The following RSBN1L variants were observed in gnomAD, a reference collection of about 807,000 sequenced individuals.
RSBN1L encodes round spermatid basic protein 1 like, also known as lysine-specific demethylase RSBN1L.
In RSBN1L, 30 loss-of-function variants were observed where a neutral mutation model predicts 67.7. That is an observed-to-expected ratio of 0.44 (90% CI 0.33 to 0.60). RSBN1L has a LOEUF of 0.60. Among genes scored for constraint, RSBN1L ranks in the 20% least tolerant of loss-of-function variants. RSBN1L has a pLI of 0.02. For synonymous variants in RSBN1L, 433 were observed against 387.0 expected, an observed-to-expected ratio of 1.12 and a Z score of -1.39; for missense variants, 992 against 1,031.7, an observed-to-expected ratio of 0.96 and a Z score of 0.53.
intron 2 of RSBN1L, among the ~76,000 whole-genome samples, chr7:77,745,677 A>T (rs892284090): frequency 2.6e-5 from 4 of 152,232 alleles, no homozygotes; most frequent in African/African-American, 7.2e-5. Flanking sequence ...CAGTGATTCC[A>T]TGGACAGATG....
chr7:77,753,882 A>G (rs1791585001), intron 3 of RSBN1L, among the ~76,000 whole-genome samples: 1 of 152,218 alleles, frequency 6.6e-6, no homozygotes, highest in Non-Finnish European at 1.5e-5. Context: ...AATATATCCA[A>G]AAGACCCAGC....
rs756939288 is a variant in RSBN1L, at chr7:77,778,759, C to A, written c.2132C>A (p.Ser711Ter). The A allele has an allele frequency of 6.2e-7, 1 of 1,614,154 alleles. No individual in the cohort carries two copies. Among genetic ancestry groups the A allele is most frequent in the South Asian group, 1.1e-5 (1 of 91,084 alleles). ...ACAGCTACTCATGAAACAGGCACATCATCAGATTCCACATCATCTGTTCTT... is the reference window on the plus strand; with the variant it reads ...ACAGCTACTCATGAAACAGGCACATAATCAGATTCCACATCATCTGTTCTT... Reference protein sequence around the residue: ...QNTATHETGTSSDSTSSVLGP... With the variant: ...QNTATHETGT The change falls in exon 8 of 8, where the codon TCA becomes TAA. Residue 711 changes from serine to a stop codon, truncating the protein, a stop_gained. Coordinates refer to ENST00000334955, the MANE Select transcript of RSBN1L (RefSeq NM_198467.3). LOFTEE classifies it high-confidence loss of function.
At chr7:77,758,001 T>G (rs1791643075) in intron 3 of RSBN1L, among the ~76,000 whole-genome samples, 1 of 152,156 alleles carries the variant, frequency 6.6e-6, no homozygotes, top group African/African-American at 2.4e-5. Flanking sequence ...AGAGTCTCAC[T>G]GTACTCCAGC....
In RSBN1L at chr7:77,727,118, G is replaced by T. The variant is rs1455070433; in HGVS notation, c.587-9292G>T. 3.6e-5 allele frequency among the ~76,000 whole-genome samples: 5 copies of T among 139,570 alleles called. No homozygotes were observed. The East Asian group carries it at 6.4e-4, about 18-fold the overall frequency. The allele number at this position is 139,570 out of a possible 152,430, so 91.6% of individuals were successfully genotyped here. A position where few individuals can be genotyped will look rare whatever the true frequency, so the allele number is the denominator to read the frequency against. ...TTTTTTTTTTTTGAGATGGAGTTTC[G>T]CTCTTGTTGCCCAGGCTGGAGTGCA... is the stretch of plus-strand genomic sequence containing the variant. On this transcript the variant is annotated intron_variant, in intron 1 of 7. Coordinates refer to ENST00000334955, the MANE Select transcript of RSBN1L (RefSeq NM_198467.3).
Position 77,781,696 on chromosome 7 carries a change from A to G in RSBN1L, c.*2528A>G, listed in dbSNP as rs568910602. 5.9e-5 allele frequency: 9 copies of G among 152,314 alleles called. No individual in the cohort carries two copies. Among genetic ancestry groups the G allele is most frequent in the African/African-American group, 2.2e-4 (9 of 41,566 alleles). 9.4% of individuals were successfully genotyped at this position (152,314 alleles called of 1,614,324 possible). A position where few individuals can be genotyped will look rare whatever the true frequency, so the allele number is the denominator to read the frequency against. ...GAAAATTTAATTGTTTTAAAAATGC[A>G]TACATCGGCCGGGTGCAGTGGCTCA... On this transcript the variant is annotated 3_prime_UTR_variant, in exon 8 of 8. Transcript: ENST00000334955.
chr7:77,700,257 A>G (rs1405746777), intron 1 of RSBN1L, among the ~76,000 whole-genome samples: 1 of 152,228 alleles, frequency 6.6e-6, no homozygotes, highest in Non-Finnish European at 1.5e-5. Flanking sequence ...AAAATTTAGA[A>G]TTATTTTATG....
In RSBN1L at chr7:77,702,529, T is replaced by C. The variant is rs1790832535; in HGVS notation, c.586+5474T>C. On this transcript the variant is annotated intron_variant, in intron 1 of 7. Coordinates refer to ENST00000334955, the MANE Select transcript of RSBN1L (RefSeq NM_198467.3). Reference sequence around the variant, plus strand: ...GCAAGGTTAATGACTAATGGACTGCTGTGTTTTTAATCTTCATTTCTTTTC... The same window carrying C: ...GCAAGGTTAATGACTAATGGACTGCCGTGTTTTTAATCTTCATTTCTTTTC... Among the ~76,000 whole-genome samples, 3 of 152,208 alleles carry C rather than the reference T, an allele frequency of 2.0e-5. No individual in the cohort carries two copies. In the South Asian group the frequency reaches 6.2e-4, roughly 31 times the overall value.
At position 77,779,665 on chromosome 7, in the gene RSBN1L, G is replaced by A. The variant is rs1791971148; in HGVS notation, c.*497G>A. 1 of 151,758 alleles carries A rather than the reference G, an allele frequency of 6.6e-6. No homozygotes were observed. Among genetic ancestry groups the A allele is most frequent in the African/African-American group, 2.4e-5 (1 of 41,260 alleles). The allele number at this position is 151,758 out of a possible 1,614,324, so 9.4% of individuals were successfully genotyped here. The stretch of plus-strand genomic sequence containing the variant: ...TTCATATGTTCATATTAATAAATAT[G>A]TTTTCTGTTGAGTCTGTAAAGACAA... On this transcript the variant is annotated 3_prime_UTR_variant, in exon 8 of 8. Transcript: ENST00000334955.
intron 3 of RSBN1L, among the ~76,000 whole-genome samples, chr7:77,755,391 G>T (rs138486914): frequency 7.9e-5 from 12 of 152,222 alleles, no homozygotes; most frequent in African/African-American, 2.9e-4. Context: ...GCAGCTGGGC[G>T]TGGTGGCTCA....
chr7:77,698,965 G>A (rs1429316053), intron 1 of RSBN1L, among the ~76,000 whole-genome samples: 3 of 152,050 alleles, frequency 2.0e-5, no homozygotes, highest in Admixed American at 1.3e-4. Context: ...CTGAATTGAT[G>A]TTCTGTTTTA....
chr7:77,696,737 C>G lies in RSBN1L; in HGVS notation c.268C>G (p.Pro90Ala), dbSNP rs771828790. The G allele has an allele frequency of 1.2e-6, 2 of 1,613,748 alleles. No individual in the cohort carries two copies. The highest frequency in any genetic ancestry group is 3.3e-5 in the Admixed American group (2 of 60,018). Residue 90 changes from proline to alanine, a missense_variant, in exon 1 of 8, where the codon CCT (proline) becomes GCT (alanine). Coordinates refer to ENST00000334955, the MANE Select transcript of RSBN1L (RefSeq NM_198467.3). ...CAGCCCCGCGTCTTGGAGCTTTGCC[C>G]CTCTGTCTGCTGCTCCCTCCCCGTC... ...YGSPASWSFA[P>A]LSAAPSPSSS... is the part of the protein sequence containing the mutation.
intron 1 of RSBN1L, among the ~76,000 whole-genome samples, chr7:77,715,561 A>T (rs531911294): frequency 6.6e-6 from 1 of 152,158 alleles, no homozygotes; most frequent in Non-Finnish European, 1.5e-5. Context: ...CGCCTGCCGT[A>T]GCCTCTCAAA....
intron 1 of RSBN1L, among the ~76,000 whole-genome samples, chr7:77,720,763 C>CTTTTTTTTT (rs34070122): frequency 4.8e-5 from 5 of 104,368 alleles, no homozygotes; most frequent in Admixed American, 1.1e-4. Context: ...TTTTCTTTTT[C>CTTTTTTTTT]TTTTTTTTTT....
chr7:77,756,278 C>T (rs1791616147), intron 3 of RSBN1L, among the ~76,000 whole-genome samples: 2 of 151,852 alleles, frequency 1.3e-5, no homozygotes, highest in South Asian at 2.1e-4. Flanking sequence ...ACTGCAGACG[C>T]GTACCACCAC....
At chr7:77,698,232 C>A (rs1397816084) in intron 1 of RSBN1L, among the ~76,000 whole-genome samples, 6 of 152,208 alleles carry the variant, frequency 3.9e-5, no homozygotes, top group African/African-American at 1.4e-4. Context: ...TAAGCATAGC[C>A]ATCAGGGACT....
At chr7:77,708,931 A>T (rs942140009) in intron 1 of RSBN1L, among the ~76,000 whole-genome samples, 1 of 152,230 alleles carries the variant, frequency 6.6e-6, no homozygotes, top group Non-Finnish European at 1.5e-5. Flanking sequence ...CATCTTGATT[A>T]TTGAATATGT....
chr7:77,771,191 C>T (rs1270173262), intron 5 of RSBN1L, among the ~76,000 whole-genome samples: 3 of 152,190 alleles, frequency 2.0e-5, no homozygotes, highest in East Asian at 1.9e-4. Flanking sequence ...CCTCCTGCCT[C>T]GGCCACCCAA....
chr7:77,772,331 T>C (rs2903929), intron 5 of RSBN1L, among the ~76,000 whole-genome samples: 72,159 of 151,910 alleles, frequency 0.48, 18,492 homozygotes, highest in African/African-American at 0.68. Flanking sequence ...ATGGGGGTAA[T>C]ACAGAGTTGC....
intron 5 of RSBN1L, among the ~76,000 whole-genome samples, chr7:77,770,585 A>G (rs886493751): frequency 6.6e-6 from 1 of 151,486 alleles, no homozygotes; most frequent in Non-Finnish European, 1.5e-5. Flanking sequence ...CGGAAGGCTG[A>G]GTCAAGGGCT....
Sources: allele counts gnomAD v4.1 joint callset (sites outside exome capture counted in the v4.1 genomes callset), GRCh38; gene constraint gnomAD v4.1.1; transcripts MANE v1.5; gene names NCBI Gene and HGNC (gene_info 2026-07-23, HGNC 2026-07-21).